The following ARHGAP10 variants were observed in gnomAD, a reference collection of about 807,000 sequenced individuals.
The protein encoded by ARHGAP10 is rho GTPase-activating protein 10.
A neutral mutation model predicts 108.6 loss-of-function variants in ARHGAP10; 87 were observed. The ratio of observed to expected loss-of-function variants is 0.80; its 90% CI spans 0.67 to 0.96. ARHGAP10 has a LOEUF of 0.96. Among genes scored for constraint, ARHGAP10 ranks in the 40% least tolerant of loss-of-function variants. The probability of loss-of-function intolerance (pLI) is 0.00; values close to 1 mark genes in which losing one functional copy is unlikely to be tolerated. For missense variants in ARHGAP10, 939 were observed against 954.5 expected (o/e 0.98, Z 0.21); for synonymous variants, 347 against 341.1 (o/e 1.02, Z -0.19).
intron 10 of ARHGAP10, among the ~76,000 whole-genome samples, chr4:147,899,085 G>A (rs1022689845): frequency 2.0e-5 from 3 of 152,170 alleles, no homozygotes; most frequent in South Asian, 4.1e-4. Context: ...ACCTCAGGGT[G>A]GTCTCTCAGT....
At chr4:147,890,118 A>G (rs2126884516) in intron 10 of ARHGAP10, among the ~76,000 whole-genome samples, 1 of 152,342 alleles carries the variant, frequency 6.6e-6, no homozygotes, top group South Asian at 2.1e-4. Flanking sequence ...ATTGGCTGGA[A>G]TGGAGTTATG....
At chr4:147,803,840 A>G (rs1731673848) in intron 1 of ARHGAP10, among the ~76,000 whole-genome samples, 1 of 152,140 alleles carries the variant, frequency 6.6e-6, no homozygotes, top group Admixed American at 6.5e-5. Context: ...TCATCCATTG[A>G]TGGACACTTA....
intron 10 of ARHGAP10, among the ~76,000 whole-genome samples, chr4:147,893,284 C>G (rs1031352981): frequency 4.6e-5 from 7 of 151,882 alleles, no homozygotes; most frequent in African/African-American, 1.7e-4. Context: ...TCTTAAACTC[C>G]TGACCTCAGG....
chr4:148,063,197 C>T lies in ARHGAP10; in HGVS notation c.2077C>T (p.Pro693Ser). 6.2e-7 allele frequency: 1 copy of T among 1,614,200 alleles called. No individual in the cohort carries two copies. The highest frequency in any genetic ancestry group is 8.5e-7 in the Non-Finnish European group (1 of 1,180,030). Reference sequence around the variant, plus strand: ...GGTCCAGTGGCTTAACCCACAGTCTCCAACCACAACAAGCTCCAACTCAGC... The same window carrying T: ...GGTCCAGTGGCTTAACCCACAGTCTTCAACCACAACAAGCTCCAACTCAGC... ...SMVQWLNPQS[P>S]TTTSSNSAVT... Residue 693 changes from proline (P) to serine (S), a missense_variant, in exon 21 of 23, where the codon CCA becomes TCA. By Grantham distance (74) the Pro-to-Ser change is moderately conservative. Transcript: ENST00000336498.
intron 18 of ARHGAP10, among the ~76,000 whole-genome samples, chr4:148,010,905 C>T (rs1741145852): frequency 6.6e-6 from 1 of 152,188 alleles, no homozygotes; most frequent in Non-Finnish European, 1.5e-5. Flanking sequence ...AAAATTGCCC[C>T]AATCCAGGAT....
At chr4:147,887,523 A>T (rs943749197) in intron 10 of ARHGAP10, among the ~76,000 whole-genome samples, 1 of 152,088 alleles carries the variant, frequency 6.6e-6, no homozygotes, top group Non-Finnish European at 1.5e-5. Flanking sequence ...TTTAACTCCT[A>T]TAAACATAAC....
chr4:147,885,396 A>G (rs1735504463), intron 10 of ARHGAP10, among the ~76,000 whole-genome samples: 1 of 152,126 alleles, frequency 6.6e-6, no homozygotes, highest in Non-Finnish European at 1.5e-5. Context: ...AAACTATCAG[A>G]TCTTGTGAGA....
At chr4:147,843,033 T>A (rs1440506797) in intron 3 of ARHGAP10, among the ~76,000 whole-genome samples, 6 of 152,234 alleles carry the variant, frequency 3.9e-5, no homozygotes, top group Non-Finnish European at 8.8e-5. Flanking sequence ...GACCTTGTTT[T>A]GTACTTTATG....
intron 8 of ARHGAP10, among the ~76,000 whole-genome samples, chr4:147,878,504 T>C (rs1180458277): frequency 5.9e-5 from 9 of 152,202 alleles, no homozygotes; most frequent in Non-Finnish European, 1.3e-4. Context: ...TAGATGCTTC[T>C]TAGCACTATG....
chr4:147,798,781 CTATATATATATA>C lies in ARHGAP10; in HGVS notation c.155-23921_155-23910del, dbSNP rs201269477. ...TCTCTCTCTCTCTCTCTCTCTCTCTCTATATATATATATATATATATATATATATATATATAG... is the reference window on the plus strand; with the variant it reads ...TCTCTCTCTCTCTCTCTCTCTCTCTCTATATATATATATATATATATATAG... On this transcript the variant is annotated intron_variant, in intron 1 of 22. Coordinates refer to ENST00000336498, the MANE Select transcript of ARHGAP10 (RefSeq NM_024605.4). 9.0e-3 allele frequency among the ~76,000 whole-genome samples: 65 copies of C among 7,212 alleles called. 1 individual carries two copies. Among genetic ancestry groups the C allele is most frequent in the East Asian group, 0.02 (4 of 198 alleles). The allele number at this position is 7,212 out of a possible 152,430, so 4.7% of individuals were successfully genotyped here.
intron 19 of ARHGAP10, among the ~76,000 whole-genome samples, chr4:148,039,965 G>A (rs1728560287): frequency 6.6e-6 from 1 of 152,128 alleles, no homozygotes; most frequent in South Asian, 2.1e-4. Flanking sequence ...TGAGTTTGCT[G>A]TCTTAGTTTT....
chr4:147,783,223 T>C (rs1280565129), intron 1 of ARHGAP10, among the ~76,000 whole-genome samples: 1 of 145,022 alleles, frequency 6.9e-6, no homozygotes, highest in Non-Finnish European at 1.5e-5. Flanking sequence ...AAATTATGTA[T>C]TGTATAATTT....
In ARHGAP10 at chr4:147,736,150, G is replaced by GTGTGTC. The variant is rs1553944275; in HGVS notation, c.154+3699_154+3700insTCTGTG. ...TGTGTGTGTGTGTGTGTGTGTGTGT[G>GTGTGTC]TGTGAAGCTAAAGGGGCCCTCATTA... On this transcript the variant is annotated intron_variant, in intron 1 of 22. Coordinates refer to ENST00000336498, the MANE Select transcript of ARHGAP10 (RefSeq NM_024605.4). Among the ~76,000 whole-genome samples, 383 of 152,028 alleles carry GTGTGTC rather than the reference G, an allele frequency of 2.5e-3. 2 individuals carry two copies. Among genetic ancestry groups the GTGTGTC allele is most frequent in the African/African-American group, 8.7e-3 (360 of 41,396 alleles).
At chr4:148,058,397 C>A (rs970656419) in intron 20 of ARHGAP10, among the ~76,000 whole-genome samples, 10 of 152,072 alleles carry the variant, frequency 6.6e-5, no homozygotes, top group East Asian at 1.9e-4. Flanking sequence ...TTTCTTAATG[C>A]GTATTCTCCT....
Position 148,013,557 on chromosome 4 carries a change from G to A in ARHGAP10, c.1717-9706G>A, listed in dbSNP as rs185415833. 1.6e-4 allele frequency among the ~76,000 whole-genome samples: 25 copies of A among 152,152 alleles called. No homozygotes were observed. In the East Asian group the frequency reaches 3.3e-3, roughly 20 times the overall value. ...CAAAAAATTAGCCGGGCATGGTGGC[G>A]GGCGCCTGTAGTCCCAGCTACTTGG... On this transcript the variant is annotated intron_variant, in intron 18 of 22. Transcript: ENST00000336498.
chr4:147,837,131 C>T (rs1490967384), intron 3 of ARHGAP10, among the ~76,000 whole-genome samples: 2 of 151,926 alleles, frequency 1.3e-5, no homozygotes, highest in Non-Finnish European at 1.5e-5. Flanking sequence ...CTTAATCTTT[C>T]TATTTAAACT....
intron 1 of ARHGAP10, among the ~76,000 whole-genome samples, chr4:147,747,345 G>A (rs1728972830): frequency 6.6e-6 from 1 of 152,162 alleles, no homozygotes; most frequent in Non-Finnish European, 1.5e-5. Flanking sequence ...AGTTAAAAAT[G>A]GAATAATTAT....
chr4:148,034,259 G>T (rs1053045474), intron 19 of ARHGAP10, among the ~76,000 whole-genome samples: 2 of 152,110 alleles, frequency 1.3e-5, no homozygotes, highest in Non-Finnish European at 2.9e-5. Context: ...TTTTATTTCT[G>T]GTTATTTTTG....
chr4:147,899,123 T>C (rs1465859377), intron 10 of ARHGAP10, among the ~76,000 whole-genome samples: 1 of 152,196 alleles, frequency 6.6e-6, no homozygotes, highest in Non-Finnish European at 1.5e-5. Context: ...TCATGAGCGC[T>C]TGAGGTCCCA....
Sources: allele counts gnomAD v4.1 joint callset (sites outside exome capture counted in the v4.1 genomes callset), GRCh38; gene constraint gnomAD v4.1.1; transcripts MANE v1.5; gene names NCBI Gene and HGNC (gene_info 2026-07-23, HGNC 2026-07-21).